EBF3: variants seen among roughly 807,000 people sequenced by gnomAD.
EBF3 encodes transcription factor COE3.
In EBF3, 18 loss-of-function variants were observed where a neutral mutation model predicts 77.1. That is an observed-to-expected ratio of 0.23 (90% CI 0.16 to 0.35). The LOEUF (loss-of-function observed/expected upper bound fraction) is 0.35, where lower values mean the gene tolerates loss of function less well. Among genes scored for constraint, EBF3 ranks in the 10% least tolerant of loss-of-function variants. The pLI, the probability that EBF3 is intolerant of heterozygous loss-of-function variation, is 1.00. For synonymous variants in EBF3, 350 were observed against 343.5 expected, an observed-to-expected ratio of 1.02 and a Z score of -0.21; for missense variants, 558 against 860.0, an observed-to-expected ratio of 0.65 and a Z score of 4.39.
Position 129,923,437 on chromosome 10 carries a change from C to A in EBF3, c.554+33821G>T, listed in dbSNP as rs77492931. ...AAACAGTGTGGTGCTGGCATAAAGA[C>A]AGACATACAGACCAATGGGACAGAA... On this transcript the variant is annotated intron_variant, in intron 6 of 16. Transcript: ENST00000440978. 2.7e-3 allele frequency among the ~76,000 whole-genome samples: 407 copies of A among 152,332 alleles called. 1 individual carries two copies. Among genetic ancestry groups the A allele is most frequent in the Non-Finnish European group, 3.6e-3 (247 of 68,034 alleles).
chr10:129,874,218 C>T (rs923614879), intron 7 of EBF3, among the ~76,000 whole-genome samples: 1 of 152,116 alleles, frequency 6.6e-6, no homozygotes, highest in African/African-American at 2.4e-5. Context: ...TATTCTTTCT[C>T]AAGTTCATTG....
At chr10:129,911,907 G>A (rs911307512) in intron 6 of EBF3, among the ~76,000 whole-genome samples, 3 of 152,122 alleles carry the variant, frequency 2.0e-5, no homozygotes, top group African/African-American at 7.2e-5. Flanking sequence ...GGGTCTCCGC[G>A]AGGCCTCATG....
In EBF3 at chr10:129,859,730, G is replaced by A. The variant is rs369927579; in HGVS notation, c.1039+7411C>T. ...TCCAGCACTGTCACTGACCCAGCTG[G>A]CGGGGCACACGCTGGAGCGAAACAT... is the stretch of plus-strand genomic sequence containing the variant. On this transcript the variant is annotated intron_variant, in intron 10 of 16. Transcript: ENST00000440978. 3.4e-4 allele frequency among the ~76,000 whole-genome samples: 52 copies of A among 152,374 alleles called. 1 individual carries two copies. In the South Asian group the frequency reaches 7.7e-3, roughly 22 times the overall value.
rs547288208 is a variant in EBF3, at chr10:129,897,797, G to A, written c.555-19948C>T. On this transcript the variant is annotated intron_variant, in intron 6 of 16. Transcript: ENST00000440978. This position sits in a 1 kb window ranked among gnomAD's most constrained non-coding sequence, Gnocchi z 4.6. ...GACATCTTACTTTCCTACATTTATC[G>A]TGACGGGGCCACTTGTGGGTATGCG... 2.2e-4 allele frequency among the ~76,000 whole-genome samples: 34 copies of A among 152,258 alleles called. 1 individual carries two copies. Among genetic ancestry groups the A allele is most frequent in the Middle Eastern group, 3.4e-3 (1 of 294 alleles).
chr10:129,880,905 G>A lies in EBF3; in HGVS notation c.555-3056C>T, dbSNP rs201218315. 1.4e-4 allele frequency among the ~76,000 whole-genome samples: 21 copies of A among 152,340 alleles called. No individual in the cohort carries two copies. In the East Asian group the frequency reaches 2.5e-3, roughly 18 times the overall value. Reference sequence around the variant, plus strand: ...TCTGATATTGTGCAGAGTTACACACGGAGCAAATGTATGCTTTCACGAGGA... The same window carrying A: ...TCTGATATTGTGCAGAGTTACACACAGAGCAAATGTATGCTTTCACGAGGA... On this transcript the variant is annotated intron_variant, in intron 6 of 16. Transcript: ENST00000440978.
In EBF3 at chr10:129,938,645, G is replaced by T. The variant is rs1341147928; in HGVS notation, c.554+18613C>A. ...TTTGATGGGCAGCCCAGGCAGGCAC[G>T]AGCAGAACGCTCCTCCTCCTTGGCT... On this transcript the variant is annotated intron_variant, in intron 6 of 16. Transcript: ENST00000440978. This position sits in a 1 kb window ranked among gnomAD's most constrained non-coding sequence, Gnocchi z 5.1. 6.6e-6 allele frequency among the ~76,000 whole-genome samples: 1 copy of T among 152,222 alleles called. No individual in the cohort carries two copies. The highest frequency in any genetic ancestry group is 2.4e-5 in the African/African-American group (1 of 41,462).
intron 6 of EBF3, among the ~76,000 whole-genome samples, chr10:129,917,255 G>C: frequency 6.6e-6 from 1 of 152,148 alleles, no homozygotes; most frequent in East Asian, 1.9e-4. Flanking sequence ...TGTAGTCCCA[G>C]CTACTTGGAA....
chr10:129,884,128 C>A (rs534629948), intron 6 of EBF3, among the ~76,000 whole-genome samples: 5 of 152,296 alleles, frequency 3.3e-5, no homozygotes, highest in Admixed American at 3.3e-4. Context: ...TCCTCGAGGT[C>A]CCTGCTAATT....
chr10:129,871,231 G>A (rs1467362170), intron 8 of EBF3, among the ~76,000 whole-genome samples: 3 of 152,178 alleles, frequency 2.0e-5, no homozygotes, highest in Non-Finnish European at 4.4e-5. Context: ...AGTCGTTTAC[G>A]AGGGGACAAG....
At chr10:129,883,013 G>C (rs57450175) in intron 6 of EBF3, among the ~76,000 whole-genome samples, 9,862 of 152,206 alleles carry the variant, frequency 0.065, 648 homozygotes, top group East Asian at 0.32. Flanking sequence ...TGATTGAAGA[G>C]AAAAAGGAAA....
At chr10:129,857,568 T>A (rs1269256139) in intron 10 of EBF3, among the ~76,000 whole-genome samples, 1 of 152,184 alleles carries the variant, frequency 6.6e-6, no homozygotes, top group Non-Finnish European at 1.5e-5. Flanking sequence ...TCGGATGGAG[T>A]GCCTTCTCCA....
Position 129,963,839 on chromosome 10 carries a change from C to A in EBF3, c.-71G>T, listed in dbSNP as rs563217857. 1.6e-5 allele frequency: 23 copies of A among 1,445,100 alleles called. No homozygotes were observed. The South Asian group carries it at 2.6e-4, about 17-fold the overall frequency. 89.5% of individuals were successfully genotyped at this position (1,445,100 alleles called of 1,614,324 possible). A position where few individuals can be genotyped will look rare whatever the true frequency, so the allele number is the denominator to read the frequency against. Reference sequence around the variant, plus strand: ...TCGAGCAGCGGCGCTCGGGGCTTGGCGGCAGGCGGCTGCCCTGGCCGCCCT... The same window carrying A: ...TCGAGCAGCGGCGCTCGGGGCTTGGAGGCAGGCGGCTGCCCTGGCCGCCCT... On this transcript the variant is annotated 5_prime_UTR_variant, in exon 1 of 17. Coordinates refer to ENST00000440978, the MANE Select transcript of EBF3 (RefSeq NM_001375380.1). The surrounding 1 kb of genome is among the most constrained non-coding windows in gnomAD (Gnocchi z 7.1).
At chr10:129,924,532 C>G (rs1185521992) in intron 6 of EBF3, among the ~76,000 whole-genome samples, 1 of 151,166 alleles carries the variant, frequency 6.6e-6, no homozygotes, top group Admixed American at 6.6e-5. Flanking sequence ...GGATGAGAAA[C>G]AGTGCGGGCC....
rs1400284204 is a variant in EBF3, at chr10:129,943,534, C to T, written c.554+13724G>A. 6.6e-6 allele frequency among the ~76,000 whole-genome samples: 1 copy of T among 152,146 alleles called. No individual in the cohort carries two copies. Among genetic ancestry groups the T allele is most frequent in the Non-Finnish European group, 1.5e-5 (1 of 68,042 alleles). ...GATAATTTCTTTCAGCTGGACCTGG[C>T]CTCCAGCGCACTTGGATGCTAGGGA... is the stretch of plus-strand genomic sequence containing the variant. On this transcript the variant is annotated intron_variant, in intron 6 of 16. Coordinates refer to ENST00000440978, the MANE Select transcript of EBF3 (RefSeq NM_001375380.1). This position sits in a 1 kb window ranked among gnomAD's most constrained non-coding sequence, Gnocchi z 8.8.
In EBF3 at chr10:129,944,437, C is replaced by T. The variant is rs1355293877; in HGVS notation, c.554+12821G>A. ...ATGAGATCTGATTTCAATTGGTGAG[C>T]AAACCTGCAGAAGTTTTTAATCATA... On this transcript the variant is annotated intron_variant, in intron 6 of 16. Transcript: ENST00000440978. The surrounding 1 kb of genome is among the most constrained non-coding windows in gnomAD (Gnocchi z 5.1). Among the ~76,000 whole-genome samples, 1 of 152,186 alleles carries T rather than the reference C, an allele frequency of 6.6e-6. No individual in the cohort carries two copies. Among genetic ancestry groups the T allele is most frequent in the Admixed American group, 6.5e-5 (1 of 15,280 alleles).
chr10:129,914,074 C>T (rs1855705967), intron 6 of EBF3, among the ~76,000 whole-genome samples: 1 of 152,146 alleles, frequency 6.6e-6, no homozygotes, highest in Admixed American at 6.5e-5. Context: ...TATGAGATCC[C>T]AATGTAAAAA....
chr10:129,929,547 G>C (rs1856873070), intron 6 of EBF3, among the ~76,000 whole-genome samples: 1 of 152,132 alleles, frequency 6.6e-6, no homozygotes, highest in African/African-American at 2.4e-5. Flanking sequence ...AAGCCTTGTT[G>C]ACACACTGCT....
intron 6 of EBF3, among the ~76,000 whole-genome samples, chr10:129,926,578 G>C (rs760780574): frequency 1.2e-4 from 19 of 152,200 alleles, no homozygotes; most frequent in Non-Finnish European, 2.6e-4. Context: ...GGGGGGTGGA[G>C]ACAGCCTGTG....
chr10:129,955,232 C>T (rs762564781), intron 6 of EBF3, among the ~76,000 whole-genome samples: 35 of 152,284 alleles, frequency 2.3e-4, no homozygotes, highest in Non-Finnish European at 4.6e-4. Flanking sequence ...CATAAAACTA[C>T]CCTCACCTTA....
Sources: allele counts gnomAD v4.1 joint callset (sites outside exome capture counted in the v4.1 genomes callset), GRCh38; gene constraint gnomAD v4.1.1; non-coding constraint Gnocchi (gnomAD v3.1); transcripts MANE v1.5; gene names NCBI Gene and HGNC (gene_info 2026-07-23, HGNC 2026-07-21).